ZNF862: variants seen among roughly 807,000 people sequenced by gnomAD.
The protein encoded by ZNF862 is zinc finger protein 862.
A neutral mutation model predicts 91.1 loss-of-function variants in ZNF862; 64 were observed. That is an observed-to-expected ratio of 0.70 (90% CI 0.57 to 0.87). ZNF862 has a LOEUF of 0.87. Ranked by LOEUF, ZNF862 falls within the 40% of genes least tolerant of loss-of-function variation. The pLI is 0.00. For missense variants in ZNF862, 1,459 were observed against 1,528.0 expected, an observed-to-expected ratio of 0.95 and a Z score of 0.75; for synonymous variants, 631 against 618.1, an observed-to-expected ratio of 1.02 and a Z score of -0.31.
chr7:149,854,355 T>C (rs537257508), intron 5 of ZNF862, among the ~76,000 whole-genome samples: 2 of 152,110 alleles, frequency 1.3e-5, no homozygotes, highest in African/African-American at 4.8e-5. Context: ...ACTGAAGAGG[T>C]GTGACAACTT....
intron 7 of ZNF862, 75 bp from the exon 8 acceptor site, chr7:149,864,034 G>A (rs1586077421): frequency 6.8e-7 from 1 of 1,472,238 alleles, no homozygotes; most frequent in Non-Finnish European, 9.1e-7. Flanking sequence ...TCACCAAACA[G>A]CCCCTGGGCG....
At position 149,859,618 on chromosome 7, in the gene ZNF862, T is replaced by C. The variant is rs140546133; in HGVS notation, c.1222+92T>C. 2.1e-3 allele frequency: 2,233 copies of C among 1,085,172 alleles called. 35 individuals carry two copies. In the African/African-American group the frequency reaches 0.032, roughly 15 times the overall value. 67.2% of individuals were successfully genotyped at this position (1,085,172 alleles called of 1,614,324 possible). ...CAGCATGAGCTCAGCTGTGCTCATC[T>C]GATGGGGGCCGATTGGGCACCAAGC... is the stretch of plus-strand genomic sequence containing the variant. On this transcript the variant is annotated intron_variant, in intron 6 of 7. Transcript: ENST00000223210.
At chr7:149,840,797 A>G in intron 1 of ZNF862, 1 of 256,330 alleles carries the variant, frequency 3.9e-6, no homozygotes, top group Non-Finnish European at 6.1e-6. Flanking sequence ...TATAGCCTAG[A>G]TATGTAGTAG....
intron 5 of ZNF862, among the ~76,000 whole-genome samples, chr7:149,852,962 TA>T (rs1802117764): frequency 1.3e-5 from 2 of 152,234 alleles, no homozygotes; most frequent in East Asian, 3.9e-4. Flanking sequence ...GGGAGGGCCC[TA>T]AAGAAGATGA....
At chr7:149,841,369 A>G in intron 1 of ZNF862, 1 of 985,474 alleles carries the variant, frequency 1.0e-6, no homozygotes, top group Non-Finnish European at 1.2e-6. Flanking sequence ...TGTCATTGAC[A>G]GAATAATGGA....
chr7:149,866,734 G>T lies in ZNF862; in HGVS notation c.*2450G>T, dbSNP rs918590253. 1 of 152,190 alleles carries T rather than the reference G, an allele frequency of 6.6e-6. No homozygotes were observed. Among genetic ancestry groups the T allele is most frequent in the Non-Finnish European group, 1.5e-5 (1 of 68,046 alleles). 9.4% of individuals were successfully genotyped at this position (152,190 alleles called of 1,614,324 possible). Reference sequence around the variant, plus strand: ...TTCTCAAGGGGCACAGGCCTGCTCCGTTCCCCTTTGTCAGCCAATGGCCAA... The same window carrying T: ...TTCTCAAGGGGCACAGGCCTGCTCCTTTCCCCTTTGTCAGCCAATGGCCAA... On this transcript the variant is annotated 3_prime_UTR_variant, in exon 8 of 8. Coordinates refer to ENST00000223210, the MANE Select transcript of ZNF862 (RefSeq NM_001099220.3).
chr7:149,842,712 A>G (rs1801749364), intron 1 of ZNF862, among the ~76,000 whole-genome samples: 1 of 152,154 alleles, frequency 6.6e-6, no homozygotes, highest in Non-Finnish European at 1.5e-5. Flanking sequence ...CCTGAATCAC[A>G]AGTGTTTTAA....
At chr7:149,847,357 T>A (rs1458397256) in intron 3 of ZNF862, among the ~76,000 whole-genome samples, 1 of 152,226 alleles carries the variant, frequency 6.6e-6, no homozygotes, top group African/African-American at 2.4e-5. Flanking sequence ...TGATCTTTTT[T>A]AAATCCTATA....
intron 4 of ZNF862, among the ~76,000 whole-genome samples, chr7:149,848,685 A>G (rs976852947): frequency 6.6e-6 from 1 of 152,274 alleles, no homozygotes; most frequent in Non-Finnish European, 1.5e-5. Flanking sequence ...AGTGAGATAG[A>G]ACATTTCTAC....
chr7:149,849,448 G>A (rs759946128), intron 4 of ZNF862, among the ~76,000 whole-genome samples: 3 of 152,210 alleles, frequency 2.0e-5, no homozygotes, highest in Non-Finnish European at 4.4e-5. Flanking sequence ...AGGAAACTAC[G>A]TTCATTGGAA....
Position 149,850,536 on chromosome 7 carries a change from C to T in ZNF862, c.1117+198C>T. On this transcript the variant is annotated intron_variant, in intron 5 of 7. Transcript: ENST00000223210. The surrounding 1 kb of genome is among the most constrained non-coding windows in gnomAD (Gnocchi z 4.2). ...TCACCTTCTCATCCACCCACCTGTT[C>T]ATCCATTCGTCCCCCACCAAACATT... is the stretch of plus-strand genomic sequence containing the variant. 1.8e-6 allele frequency: 1 copy of T among 569,278 alleles called. No individual in the cohort carries two copies. The highest frequency in any genetic ancestry group is 3.1e-6 in the Non-Finnish European group (1 of 325,376). The allele number at this position is 569,278 out of a possible 1,614,324, so 35.3% of individuals were successfully genotyped here. A position where few individuals can be genotyped will look rare whatever the true frequency, so the allele number is the denominator to read the frequency against.
chr7:149,856,725 A>G (rs964044799), intron 5 of ZNF862, among the ~76,000 whole-genome samples: 2 of 152,094 alleles, frequency 1.3e-5, no homozygotes, highest in Non-Finnish European at 1.5e-5. Context: ...GTGGTCTGAG[A>G]TGTGCCTTTG....
chr7:149,862,168 TC>T lies in ZNF862; in HGVS notation c.3011del (p.Pro1004ArgfsTer19). The T allele has an allele frequency of 6.2e-7, 1 of 1,613,396 alleles. No individual in the cohort carries two copies. The highest frequency in any genetic ancestry group is 8.5e-7 in the Non-Finnish European group (1 of 1,179,870). ...GGCCTGAAAACCATTGCCCAGCACC[TC>T]CCGTTCTCCATGCTCTGCAAAAACG... Reference protein sequence around the residue: ...WLGLKTIAQHLPFSMLCKNAL... With the variant: ...WLGLKTIAQHXPFSMLCKNAL... On this transcript the variant is annotated frameshift_variant, in exon 7 of 8. Transcript: ENST00000223210. LOFTEE classifies it high-confidence loss of function.
intron 6 of ZNF862, 136 bp downstream of exon 6, chr7:149,859,662 T>A: frequency 1.5e-6 from 1 of 688,022 alleles, no homozygotes; most frequent in Non-Finnish European, 2.4e-6. Context: ...AGGCCCTGGG[T>A]AGACAAGATG....
At position 149,850,098 on chromosome 7, in the gene ZNF862, G is replaced by A; in HGVS notation, c.940-63G>A. On this transcript the variant is annotated intron_variant, in intron 4 of 7. Coordinates refer to ENST00000223210, the MANE Select transcript of ZNF862 (RefSeq NM_001099220.3). This position sits in a 1 kb window ranked among gnomAD's most constrained non-coding sequence, Gnocchi z 4.2. ...AGAAATAGGGCTTCCAAAGGCCCCA[G>A]AAGTGTCACGTGGGAGTCTGGCTCG... 1.3e-6 allele frequency: 2 copies of A among 1,534,524 alleles called. No homozygotes were observed. Among genetic ancestry groups the A allele is most frequent in the South Asian group, 1.2e-5 (1 of 83,498 alleles).
intron 1 of ZNF862, chr7:149,841,300 C>G (rs965966710): frequency 4.6e-5 from 45 of 985,272 alleles, no homozygotes; most frequent in Non-Finnish European, 5.2e-5. Context: ...TCTTTATTAA[C>G]TGACAGCCAT....
At chr7:149,842,367 A>G (rs1801736899) in intron 1 of ZNF862, among the ~76,000 whole-genome samples, 1 of 152,242 alleles carries the variant, frequency 6.6e-6, no homozygotes, top group African/African-American at 2.4e-5. Flanking sequence ...GAAGTCAGAC[A>G]GCTTTACCTT....
Position 149,861,782 on chromosome 7 carries a change from C to T in ZNF862, c.2622C>T (p.Arg874=), listed in dbSNP as rs185315692. 3.9e-5 allele frequency: 63 copies of T among 1,613,492 alleles called. No homozygotes were observed. In the Middle Eastern group the frequency reaches 1.3e-3, roughly 34 times the overall value. ...LITEVNATLG[R]AYVALESLRH... is the part of the protein sequence containing the mutation. ...CAGAGGTGAACGCCACGCTGGGCCG[C>T]GCCTACGTGGCACTGGAGAGCCTCC... The change falls in exon 7 of 8, where the codon CGC becomes CGT. Residue 874 remains arginine (R), a synonymous_variant. Transcript: ENST00000223210. This position sits in a 1 kb window ranked among gnomAD's most constrained non-coding sequence, Gnocchi z 6.7.
Position 149,850,249 on chromosome 7 carries a change from C to T in ZNF862, c.1028C>T (p.Thr343Ile), listed in dbSNP as rs375105204. 2.4e-5 allele frequency: 38 copies of T among 1,613,124 alleles called. 1 individual carries two copies. The highest frequency in any genetic ancestry group is 2.0e-4 in the South Asian group (18 of 90,872). ...VVFEDVAVYF[T>I]REEWGMLDKR... ...TTCGAGGATGTGGCAGTGTATTTCA[C>T]CCGGGAGGAGTGGGGCATGCTAGAC... Residue 343 changes from threonine (T) to isoleucine (I), a missense_variant, in exon 5 of 8, where the codon ACC (threonine) becomes ATC (isoleucine). Transcript: ENST00000223210. The surrounding 1 kb of genome is among the most constrained non-coding windows in gnomAD (Gnocchi z 4.2).
Sources: gnomAD v4.1 joint callset for allele counts (sites outside exome capture counted in the v4.1 genomes callset) on GRCh38, gnomAD v4.1.1 for gene constraint, Gnocchi (gnomAD v3.1) non-coding constraint, MANE v1.5 for transcripts, NCBI Gene and HGNC (gene_info 2026-07-23, HGNC 2026-07-21) for gene names.